NTRK2: variants seen among roughly 807,000 people sequenced by gnomAD.
NTRK2 encodes the protein neurotrophic receptor tyrosine kinase 2.
Under a neutral mutation model 94.5 loss-of-function variants are expected in NTRK2, and 13 were observed. The observed-to-expected ratio is 0.14, with a 90% confidence interval of 0.09 to 0.22. The LOEUF (loss-of-function observed/expected upper bound fraction) is 0.22. Ranked by LOEUF, NTRK2 falls within the 10% of genes least tolerant of loss-of-function variation. The pLI is 1.00. For missense variants in NTRK2, 639 were observed against 1,071.2 expected (o/e 0.60, Z 5.63); for synonymous variants, 372 against 407.4 (o/e 0.91, Z 1.05).
intron 17 of NTRK2, among the ~76,000 whole-genome samples, chr9:84,989,924 T>C (rs1828835945): frequency 1.3e-5 from 2 of 152,232 alleles, no homozygotes; most frequent in Non-Finnish European, 2.9e-5. Flanking sequence ...CTAAAGAACA[T>C]ACAATTTTAG....
intron 12 of NTRK2, among the ~76,000 whole-genome samples, chr9:84,765,594 G>A (rs1283457954): frequency 6.6e-6 from 1 of 152,152 alleles, no homozygotes; most frequent in Non-Finnish European, 1.5e-5. Flanking sequence ...CAGCTTCAGT[G>A]TTTTCTGCTG....
intron 17 of NTRK2, among the ~76,000 whole-genome samples, chr9:84,990,055 A>C (rs1828858631): frequency 6.6e-6 from 1 of 152,152 alleles, no homozygotes; most frequent in South Asian, 2.1e-4. Context: ...CACAGACGTT[A>C]TCTATGCACT....
intron 9 of NTRK2, among the ~76,000 whole-genome samples, chr9:84,736,926 A>C (rs2132231194): frequency 6.6e-6 from 1 of 152,340 alleles, no homozygotes; most frequent in African/African-American, 2.4e-5. Flanking sequence ...GAAGAGAAGA[A>C]CCTGAAAATC....
chr9:84,877,859 A>G, intron 14 of NTRK2: 1 of 1,036,088 alleles, frequency 9.7e-7, no homozygotes, highest in Non-Finnish European at 1.2e-6. Context: ...GATCATTCAG[A>G]GCCAAACGCA....
chr9:84,909,715 C>T (rs767904690), intron 14 of NTRK2, among the ~76,000 whole-genome samples: 3 of 152,012 alleles, frequency 2.0e-5, no homozygotes, highest in Non-Finnish European at 4.4e-5. Context: ...TTTGTCTTGC[C>T]ATTGTTTATA....
Position 84,696,913 on chromosome 9 carries a change from T to A in NTRK2, c.213-5246T>A, listed in dbSNP as rs186748071. Among the ~76,000 whole-genome samples, 613 of 152,158 alleles carry A rather than the reference T, an allele frequency of 4.0e-3. 7 individuals carry two copies. Among genetic ancestry groups the A allele is most frequent in the African/African-American group, 0.014 (565 of 41,510 alleles). On this transcript the variant is annotated intron_variant, in intron 2 of 18. Coordinates refer to ENST00000277120, the MANE Select transcript of NTRK2 (RefSeq NM_006180.6). ...TGGGATGTAGTAAATGTGCAAAAAA[T>A]AACAGCAAAAACTGCCCTCATAATA... is the stretch of plus-strand genomic sequence containing the variant.
At chr9:84,841,948 C>T (rs954039749) in intron 12 of NTRK2, among the ~76,000 whole-genome samples, 2 of 152,144 alleles carry the variant, frequency 1.3e-5, no homozygotes, top group East Asian at 3.9e-4. Flanking sequence ...GAGACGCATC[C>T]CAAGAAAAGT....
chr9:84,728,743 G>A (rs2062634721), intron 9 of NTRK2, among the ~76,000 whole-genome samples: 1 of 152,180 alleles, frequency 6.6e-6, no homozygotes, highest in African/African-American at 2.4e-5. Flanking sequence ...CTGGCCAAAG[G>A]CTAGGACTGC....
intron 12 of NTRK2, among the ~76,000 whole-genome samples, chr9:84,778,008 T>G (rs1316661340): frequency 6.6e-6 from 1 of 152,180 alleles, no homozygotes; most frequent in Non-Finnish European, 1.5e-5. Context: ...ACGCCTGTAA[T>G]GTCAACATTT....
At chr9:84,864,989 T>A (rs184242749) in intron 13 of NTRK2, among the ~76,000 whole-genome samples, 3 of 152,186 alleles carry the variant, frequency 2.0e-5, no homozygotes, top group African/African-American at 7.2e-5. Context: ...TCTGCCTGCC[T>A]CGGCCTCCCA....
At chr9:84,888,298 G>A (rs2076479115) in intron 14 of NTRK2, among the ~76,000 whole-genome samples, 1 of 152,108 alleles carries the variant, frequency 6.6e-6, no homozygotes, top group African/African-American at 2.4e-5. Flanking sequence ...TCTTATAGAT[G>A]AGGAAAGGGA....
chr9:84,775,682 A>G (rs1218060993), intron 12 of NTRK2, among the ~76,000 whole-genome samples: 1 of 152,148 alleles, frequency 6.6e-6, no homozygotes, highest in East Asian at 1.9e-4. Context: ...GTTGTTATGG[A>G]TATTTTTATT....
At chr9:84,890,467 C>T (rs2076563701) in intron 14 of NTRK2, among the ~76,000 whole-genome samples, 1 of 152,182 alleles carries the variant, frequency 6.6e-6, no homozygotes, top group African/African-American at 2.4e-5. Flanking sequence ...ATTTCTTAGC[C>T]TTGGCTTTAG....
At chr9:84,811,473 G>A (rs1412346698) in intron 12 of NTRK2, 10 of 1,065,538 alleles carry the variant, frequency 9.4e-6, no homozygotes, top group South Asian at 4.5e-5. Flanking sequence ...TGCCCTCTGC[G>A]ATCCACCTGC....
At chr9:84,941,919 C>G (rs1461398857) in intron 15 of NTRK2, among the ~76,000 whole-genome samples, 4 of 152,158 alleles carry the variant, frequency 2.6e-5, no homozygotes, top group African/African-American at 9.7e-5. Flanking sequence ...CCTCCTGTTT[C>G]CCTTTGGATA....
At chr9:84,993,094 TG>T (rs1394632255) in intron 17 of NTRK2, among the ~76,000 whole-genome samples, 1 of 152,100 alleles carries the variant, frequency 6.6e-6, no homozygotes, top group Non-Finnish European at 1.5e-5. Context: ...CACACCACCT[TG>T]TTGGCCCTTG....
chr9:84,752,579 G>A (rs1439334705), intron 12 of NTRK2, among the ~76,000 whole-genome samples: 2 of 152,194 alleles, frequency 1.3e-5, no homozygotes, highest in African/African-American at 2.4e-5. Flanking sequence ...GCTATCAGCA[G>A]TATATAGAAG....
rs2067113785 is a variant in NTRK2, at chr9:84,777,005, T to C, written c.1396+24920T>C. The stretch of plus-strand genomic sequence containing the variant: ...AATAGGTATTAGAACATCTTTATCA[T>C]TGGGTTTTAGGACCAATAAATATTT... On this transcript the variant is annotated intron_variant, in intron 12 of 18. Transcript: ENST00000277120. 2.0e-5 allele frequency among the ~76,000 whole-genome samples: 3 copies of C among 152,204 alleles called. No individual in the cohort carries two copies. The South Asian group carries it at 6.2e-4, about 32-fold the overall frequency.
intron 9 of NTRK2, among the ~76,000 whole-genome samples, chr9:84,741,065 C>T (rs1263726998): frequency 6.6e-6 from 1 of 152,150 alleles, no homozygotes; most frequent in African/African-American, 2.4e-5. Flanking sequence ...TCCAAGTAGA[C>T]TTTCATGTAG....
Sources: gnomAD v4.1 joint callset for allele counts (sites outside exome capture counted in the v4.1 genomes callset) on GRCh38, gnomAD v4.1.1 for gene constraint, MANE v1.5 for transcripts, NCBI Gene and HGNC (gene_info 2026-07-23, HGNC 2026-07-21) for gene names.